The following EPS8 variants were observed in gnomAD, a reference collection of about 807,000 sequenced individuals.
The protein encoded by EPS8 is epidermal growth factor receptor kinase substrate 8.
A neutral mutation model predicts 103.8 loss-of-function variants in EPS8; 42 were observed. The observed-to-expected ratio is 0.40, with a 90% CI of 0.32 to 0.52. The LOEUF is 0.52. EPS8 is among the 20% of genes least tolerant of loss of function. The pLI is 0.40. For missense variants in EPS8, 969 were observed against 1,005.1 expected, an observed-to-expected ratio of 0.96 and a Z score of 0.49; for synonymous variants, 344 against 344.6, an observed-to-expected ratio of 1.00 and a Z score of 0.02.
chr12:15,622,391 C>T (rs1944874161), intron 20 of EPS8, among the ~76,000 whole-genome samples: 1 of 152,062 alleles, frequency 6.6e-6, no homozygotes, highest in Non-Finnish European at 1.5e-5. Context: ...AGTGATTTTA[C>T]CCTGAATTAT....
chr12:15,631,777 C>T lies in EPS8; in HGVS notation c.1822-113G>A, dbSNP rs184288697. ...GCTATTTTTAAACTTACTTGCAAAC[C>T]CATTACTCATTTATCTGTAATCCTA... On this transcript the variant is annotated intron_variant, in intron 17 of 20. Transcript: ENST00000281172. 6.7e-6 allele frequency: 5 copies of T among 742,262 alleles called. No individual in the cohort carries two copies. In the Admixed American group the frequency reaches 1.1e-4, roughly 17 times the overall value. 46.0% of individuals were successfully genotyped at this position (742,262 alleles called of 1,614,324 possible).
In EPS8 at chr12:15,752,915, T is replaced by C. The variant is rs1343245496; in HGVS notation, c.-22+36246A>G. Reference sequence around the variant, plus strand: ...AAGAACCATTACTTTCCTAACAACATCAACAATATTAGTTGCATCATTTCA... The same window carrying C: ...AAGAACCATTACTTTCCTAACAACACCAACAATATTAGTTGCATCATTTCA... On this transcript the variant is annotated intron_variant, in intron 1 of 20. Transcript: ENST00000281172. The surrounding 1 kb of genome is among the most constrained non-coding windows in gnomAD (Gnocchi z 4.4). Among the ~76,000 whole-genome samples, 1 of 152,016 alleles carries C rather than the reference T, an allele frequency of 6.6e-6. No individual in the cohort carries two copies. Among genetic ancestry groups the C allele is most frequent in the Admixed American group, 6.6e-5 (1 of 15,252 alleles).
At chr12:15,653,779 T>C (rs1033739112) in intron 13 of EPS8, among the ~76,000 whole-genome samples, 2 of 152,222 alleles carry the variant, frequency 1.3e-5, no homozygotes, top group Admixed American at 6.5e-5. Flanking sequence ...GTAAAGTGCA[T>C]GGACTAGCAA....
At chr12:15,670,201 C>A (rs972750190) in intron 4 of EPS8, among the ~76,000 whole-genome samples, 1 of 152,126 alleles carries the variant, frequency 6.6e-6, no homozygotes, top group African/African-American at 2.4e-5. Context: ...ATTTAAACAG[C>A]AGGCTATCTG....
At position 15,717,125 on chromosome 12, in the gene EPS8, T is replaced by C. The variant is rs1946541044; in HGVS notation, c.-21-34153A>G. 1.3e-5 allele frequency among the ~76,000 whole-genome samples: 2 copies of C among 152,244 alleles called. No individual in the cohort carries two copies. Among genetic ancestry groups the C allele is most frequent in the African/African-American group, 4.8e-5 (2 of 41,468 alleles). ...AATTTACCTGGAGAGGGACAGGAGATGCAATATGACTTATCTTTGGGAGAA... is the reference window on the plus strand; with the variant it reads ...AATTTACCTGGAGAGGGACAGGAGACGCAATATGACTTATCTTTGGGAGAA... On this transcript the variant is annotated intron_variant, in intron 1 of 20. Transcript: ENST00000281172. This position sits in a 1 kb window ranked among gnomAD's most constrained non-coding sequence, Gnocchi z 4.3.
chr12:15,763,933 C>T (rs1389509027), intron 1 of EPS8, among the ~76,000 whole-genome samples: 1 of 152,182 alleles, frequency 6.6e-6, no homozygotes, highest in Non-Finnish European at 1.5e-5. Context: ...ACTAGTTTTT[C>T]ATTCACAACA....
At chr12:15,746,651 A>T (rs1044475539) in intron 1 of EPS8, among the ~76,000 whole-genome samples, 1 of 152,208 alleles carries the variant, frequency 6.6e-6, no homozygotes, top group Admixed American at 6.5e-5. Context: ...TTATTAATCA[A>T]GAAGCTTGGG....
intron 3 of EPS8, among the ~76,000 whole-genome samples, chr12:15,673,926 G>C (rs1382302381): frequency 6.6e-6 from 1 of 152,056 alleles, no homozygotes; most frequent in East Asian, 1.9e-4. Flanking sequence ...TCACTATTTT[G>C]TCTATTAGCT....
intron 14 of EPS8, among the ~76,000 whole-genome samples, chr12:15,648,006 A>G (rs1945349714): frequency 6.6e-6 from 1 of 152,236 alleles, no homozygotes; most frequent in Admixed American, 6.5e-5. Flanking sequence ...GATCCCTTGC[A>G]TGTGCAGTTC....
At chr12:15,724,830 C>A (rs1023708499) in intron 1 of EPS8, among the ~76,000 whole-genome samples, 6 of 152,268 alleles carry the variant, frequency 3.9e-5, no homozygotes, top group East Asian at 1.9e-4. Flanking sequence ...GCCTCCCCAG[C>A]CAAATGGAAC....
At chr12:15,666,308 G>A (rs1591835279) in intron 7 of EPS8, 132 bp downstream of exon 7, 1 of 658,876 alleles carries the variant, frequency 1.5e-6, no homozygotes, top group South Asian at 2.1e-5. Flanking sequence ...GAACAAATGT[G>A]TTGAGACTAC....
At chr12:15,770,113 A>G (rs1947137774) in intron 1 of EPS8, among the ~76,000 whole-genome samples, 1 of 151,410 alleles carries the variant, frequency 6.6e-6, no homozygotes. Context: ...TAATTTCTGT[A>G]TTTTTTGTAG....
chr12:15,629,378 G>T (rs1945004536), intron 18 of EPS8, among the ~76,000 whole-genome samples: 1 of 152,208 alleles, frequency 6.6e-6, no homozygotes, highest in Non-Finnish European at 1.5e-5. Context: ...AGATGACTGT[G>T]CTGACGTCTC....
rs1468772319 is a variant in EPS8, at chr12:15,745,255, T to C, written c.-22+43906A>G. Among the ~76,000 whole-genome samples, 1 of 152,210 alleles carries C rather than the reference T, an allele frequency of 6.6e-6. No homozygotes were observed. The highest frequency in any genetic ancestry group is 1.5e-5 in the Non-Finnish European group (1 of 68,028). The stretch of plus-strand genomic sequence containing the variant: ...GAACACTTTACAACCTAACTGCTTA[T>C]TATAGACTAAGTTCAGTAGATTTTA... On this transcript the variant is annotated intron_variant, in intron 1 of 20. Transcript: ENST00000281172. The surrounding 1 kb of genome is among the most constrained non-coding windows in gnomAD (Gnocchi z 4.6).
rs1018252141 is a variant in EPS8 at position 15,787,183 on chromosome 12, A to T, written c.-22+1978T>A. On this transcript the variant is annotated intron_variant, in intron 1 of 20. Transcript: ENST00000281172. The surrounding 1 kb of genome is among the most constrained non-coding windows in gnomAD (Gnocchi z 4.9). ...TCAAGTGACCTGCTGCAGAATTAAAAGAGGTATGTAAAAGAAGGGAGTAGA... is the reference window on the plus strand; with the variant it reads ...TCAAGTGACCTGCTGCAGAATTAAATGAGGTATGTAAAAGAAGGGAGTAGA... Among the ~76,000 whole-genome samples the T allele has an allele frequency of 4.6e-4, 70 of 152,310 alleles. No individual in the cohort carries two copies. Among genetic ancestry groups the T allele is most frequent in the African/African-American group, 1.6e-3 (68 of 41,580 alleles).
chr12:15,687,036 T>C lies in EPS8; in HGVS notation c.-21-4064A>G, dbSNP rs377125927. ...AGTGGGAGGGGGTATTATCATTACT[T>C]AGGATTTTCACTAAAAGATCAGTGA... is the stretch of plus-strand genomic sequence containing the variant. On this transcript the variant is annotated intron_variant, in intron 1 of 20. Coordinates refer to ENST00000281172, the MANE Select transcript of EPS8 (RefSeq NM_004447.6). 3.9e-5 allele frequency among the ~76,000 whole-genome samples: 6 copies of C among 152,220 alleles called. No individual in the cohort carries two copies. The East Asian group carries it at 7.7e-4, about 20-fold the overall frequency.
chr12:15,665,742 C>A lies in EPS8; in HGVS notation c.736+14G>T. ...AGTAAGTGTTCAATAAGTATTAATT[C>A]TAGGAAGACTCACAGTCCCCTTGGT... On this transcript the variant is annotated intron_variant, in intron 8 of 20. Coordinates refer to ENST00000281172, the MANE Select transcript of EPS8 (RefSeq NM_004447.6). 1 of 1,613,066 alleles carries A rather than the reference C, an allele frequency of 6.2e-7. No homozygotes were observed. The highest frequency in any genetic ancestry group is 1.1e-5 in the South Asian group (1 of 90,934).
At position 15,684,302 on chromosome 12, in the gene EPS8, C is replaced by G. The variant is rs1946058515; in HGVS notation, c.-21-1330G>C. 1 of 152,124 alleles carries G rather than the reference C, an allele frequency of 6.6e-6. No individual in the cohort carries two copies. The highest frequency in any genetic ancestry group is 2.4e-5 in the African/African-American group (1 of 41,424). 9.4% of individuals were successfully genotyped at this position (152,124 alleles called of 1,614,324 possible). A position where few individuals can be genotyped will look rare whatever the true frequency, so the allele number is the denominator to read the frequency against. ...CTCAGGGGAAGATTTTACTGACCGTCCTGGATAGATAAAATCCCACTATCA... is the reference window on the plus strand; with the variant it reads ...CTCAGGGGAAGATTTTACTGACCGTGCTGGATAGATAAAATCCCACTATCA... On this transcript the variant is annotated intron_variant, in intron 1 of 20. Coordinates refer to ENST00000281172, the MANE Select transcript of EPS8 (RefSeq NM_004447.6). The surrounding 1 kb of genome is among the most constrained non-coding windows in gnomAD (Gnocchi z 4.9).
intron 7 of EPS8, 131 bp from the exon 8 acceptor site, chr12:15,666,023 C>A: frequency 1.1e-6 from 1 of 900,856 alleles, no homozygotes; most frequent in Non-Finnish European, 1.7e-6. Context: ...ATTTCCTAAG[C>A]ATTACACATT....
Sources: allele counts gnomAD v4.1 joint callset (sites outside exome capture counted in the v4.1 genomes callset), GRCh38; gene constraint gnomAD v4.1.1; non-coding constraint Gnocchi (gnomAD v3.1); transcripts MANE v1.5; gene names NCBI Gene and HGNC (gene_info 2026-07-23, HGNC 2026-07-21).